The following SLC1A6 variants were observed in gnomAD, a reference collection of about 807,000 sequenced individuals.
SLC1A6 encodes solute carrier family 1 member 6.
In SLC1A6, 15 loss-of-function variants were observed where a neutral mutation model predicts 42.1. The ratio of observed to expected loss-of-function variants is 0.36; its 90% CI spans 0.24 to 0.55. SLC1A6 has a LOEUF of 0.55. Ranked by LOEUF, SLC1A6 falls within the 20% of genes least tolerant of loss-of-function variation. SLC1A6 has a pLI of 0.88. For missense variants in SLC1A6, 542 were observed against 772.5 expected (o/e 0.70, Z 3.54); for synonymous variants, 317 against 319.7 (o/e 0.99, Z 0.09).
intron 8 of SLC1A6, 78 bp downstream of exon 8, chr19:14,954,057 T>TCCCACCCCAA: frequency 1.0e-6 from 1 of 997,542 alleles, no homozygotes. Context: ...GGCCCCCTCC[T>TCCCACCCCAA]CCCTCCCCAA....
chr19:14,996,685 A>G (rs1310475615), intron 1 of SLC1A6, among the ~76,000 whole-genome samples: 1 of 152,024 alleles, frequency 6.6e-6, no homozygotes, highest in African/African-American at 2.4e-5. Context: ...CCAGGAGAGA[A>G]GAGAAACTTC....
chr19:14,969,303 G>A (rs778261567), intron 3 of SLC1A6, among the ~76,000 whole-genome samples: 4 of 152,208 alleles, frequency 2.6e-5, no homozygotes, highest in East Asian at 1.9e-4. Context: ...CGAGAGCACT[G>A]AGTACAATAG....
At chr19:15,005,741 G>A (rs894216786) in intron 1 of SLC1A6, among the ~76,000 whole-genome samples, 13 of 152,190 alleles carry the variant, frequency 8.5e-5, no homozygotes, top group Admixed American at 5.9e-4. Context: ...TACTAGCAGC[G>A]TGTTGGTGTC....
At chr19:15,005,617 G>A (rs537666265) in intron 1 of SLC1A6, among the ~76,000 whole-genome samples, 14 of 152,336 alleles carry the variant, frequency 9.2e-5, no homozygotes, top group Middle Eastern at 3.4e-3. Flanking sequence ...CTAGCAGTGA[G>A]TTTTTGGAAG....
At chr19:14,964,603 T>C (rs2145186349) in intron 4 of SLC1A6, among the ~76,000 whole-genome samples, 1 of 152,290 alleles carries the variant, frequency 6.6e-6, no homozygotes, top group Admixed American at 6.5e-5. Flanking sequence ...AGAATTGATG[T>C]AAGCTACCCG....
At chr19:15,009,112 T>C (rs1026958490) in intron 1 of SLC1A6, among the ~76,000 whole-genome samples, 1 of 120,490 alleles carries the variant, frequency 8.3e-6, no homozygotes, top group African/African-American at 3.8e-5. Flanking sequence ...AAATAGCATA[T>C]CTATCATATA....
chr19:15,008,231 G>C (rs1208635520), intron 1 of SLC1A6, among the ~76,000 whole-genome samples: 1 of 151,884 alleles, frequency 6.6e-6, no homozygotes, highest in Admixed American at 6.6e-5. Context: ...TATAGTCCTC[G>C]CTTTTTGGGA....
Position 15,009,879 on chromosome 19 carries a change from G to A in SLC1A6, c.6+606C>T, listed in dbSNP as rs547544393. Reference sequence around the variant, plus strand: ...ATAGCGGTGAGTGCTATGAAGACACGAAAGAAAATGTAAGACTAAGCCAGG... The same window carrying A: ...ATAGCGGTGAGTGCTATGAAGACACAAAAGAAAATGTAAGACTAAGCCAGG... On this transcript the variant is annotated intron_variant, in intron 1 of 8. Coordinates refer to the SLC1A6 transcript ENST00000430939. Among the ~76,000 whole-genome samples, 8 of 152,206 alleles carry A rather than the reference G, an allele frequency of 5.3e-5. No homozygotes were observed. In the South Asian group the frequency reaches 1.0e-3, roughly 20 times the overall value.
At position 14,998,124 on chromosome 19, in the gene SLC1A6, A is replaced by G. The variant is rs1038501243; in HGVS notation, c.6+12361T>C. 3.3e-5 allele frequency among the ~76,000 whole-genome samples: 5 copies of G among 152,280 alleles called. No homozygotes were observed. In the East Asian group the frequency reaches 9.7e-4, roughly 29 times the overall value. On this transcript the variant is annotated intron_variant, in intron 1 of 8. Coordinates refer to the SLC1A6 transcript ENST00000430939. ...CATCTGAATGGACCCCTCTTGGCCA[A>G]GGGCATTCCAAAATTAACCTGAAAA...
In SLC1A6 at chr19:14,954,334, G is replaced by T; in HGVS notation, c.1170-5C>A. 1 of 1,604,744 alleles carries T rather than the reference G, an allele frequency of 6.2e-7. No homozygotes were observed. The highest frequency in any genetic ancestry group is 8.5e-7 in the Non-Finnish European group (1 of 1,179,760). ...GTGATGGGCAGCGTTGCCGAGCTGGGGGAAAGAGCCCAGGACTGAGGATGG... is the reference window on the plus strand; with the variant it reads ...GTGATGGGCAGCGTTGCCGAGCTGGTGGAAAGAGCCCAGGACTGAGGATGG... On this transcript the variant is annotated splice_region_variant and splice_polypyrimidine_tract_variant and intron_variant, in intron 7 of 9. Coordinates refer to ENST00000594383, the MANE Select transcript of SLC1A6 (RefSeq NM_005071.3).
chr19:15,004,733 A>G (rs930981396), intron 1 of SLC1A6, among the ~76,000 whole-genome samples: 4 of 151,750 alleles, frequency 2.6e-5, no homozygotes, highest in Admixed American at 6.6e-5. Context: ...TCATTTCATT[A>G]TGTTTCCCAT....
Position 14,962,235 on chromosome 19 carries a change from G to A in SLC1A6, c.702C>T (p.Thr234=). The change falls in exon 6 of 10, where the codon ACC becomes ACT. Residue 234 remains threonine, a synonymous_variant. Transcript: ENST00000594383. ...MPPPFSVENG[T]SFLENVTRAL... The stretch of plus-strand genomic sequence containing the variant: ...CCCGAGTGACATTTTCCAGGAAGCT[G>A]GTTCCGTTCTCCACTGAGAATGGAG... 1 of 1,614,154 alleles carries A rather than the reference G, an allele frequency of 6.2e-7. No individual in the cohort carries two copies. Among genetic ancestry groups the A allele is most frequent in the Non-Finnish European group, 8.5e-7 (1 of 1,180,018 alleles).
At chr19:14,963,838 T>G (rs1359071880) in intron 5 of SLC1A6, among the ~76,000 whole-genome samples, 1 of 151,634 alleles carries the variant, frequency 6.6e-6, no homozygotes, top group Non-Finnish European at 1.5e-5. Context: ...CCTCTTTTTT[T>G]TTTTTTTCTT....
intron 3 of SLC1A6, among the ~76,000 whole-genome samples, chr19:14,969,076 A>G (rs1378415566): frequency 1.3e-5 from 2 of 152,014 alleles, no homozygotes; most frequent in South Asian, 4.1e-4. Flanking sequence ...CTGAACTCAG[A>G]CGATCCACTC....
chr19:14,987,141 C>A (rs189749861), intron 1 of SLC1A6, among the ~76,000 whole-genome samples: 50 of 152,192 alleles, frequency 3.3e-4, no homozygotes, highest in Non-Finnish European at 6.9e-4. Context: ...CTTTGCAAAC[C>A]ATTGTCAGAT....
Position 14,998,563 on chromosome 19 carries a change from AT to A in SLC1A6, c.6+11921del, listed in dbSNP as rs1316282985. Reference sequence around the variant, plus strand: ...CTCAAAAAACAAACAAAACAAAAAAATAAACAACAACAACAAAAAAAGCAGA... The same window carrying A: ...CTCAAAAAACAAACAAAACAAAAAAAAAACAACAACAACAAAAAAAGCAGA... On this transcript the variant is annotated intron_variant, in intron 1 of 8. Transcript: ENST00000430939. 1.3e-5 allele frequency among the ~76,000 whole-genome samples: 2 copies of A among 152,176 alleles called. 1 individual carries two copies. Among genetic ancestry groups the A allele is most frequent in the Non-Finnish European group, 2.9e-5 (2 of 68,028 alleles).
At chr19:14,975,649 G>A (rs998555322) in intron 1 of SLC1A6, among the ~76,000 whole-genome samples, 1 of 151,686 alleles carries the variant, frequency 6.6e-6, no homozygotes, top group Non-Finnish European at 1.5e-5. Context: ...CTACTCCAGA[G>A]GCTGAGGCAG....
rs1477646132 is a variant in SLC1A6 at position 14,962,074 on chromosome 19, T to C, written c.863A>G (p.Lys288Arg). The C allele has an allele frequency of 1.2e-6, 2 of 1,614,186 alleles. No individual in the cohort carries two copies. Among genetic ancestry groups the C allele is most frequent in the Admixed American group, 3.3e-5 (2 of 60,024 alleles). ...FGLVIGGMKH[K>R]GRVLRDFFDS... ...GAAGAAGTCCCTGAGGACTCTGCCC[T>C]TGTGTTTCATGCCACCAATGACCAG... The change falls in exon 6 of 10, where the codon AAG (lysine) becomes AGG (arginine). Residue 288 changes from lysine (K) to arginine (R), a missense_variant. Physicochemically the swap from Lys to Arg is conservative, Grantham distance 26. Coordinates refer to ENST00000594383, the MANE Select transcript of SLC1A6 (RefSeq NM_005071.3).
At chr19:15,003,050 C>T in intron 1 of SLC1A6, among the ~76,000 whole-genome samples, 1 of 152,098 alleles carries the variant, frequency 6.6e-6, no homozygotes, top group Non-Finnish European at 1.5e-5. Flanking sequence ...ACAATCTCAG[C>T]TCACTGCAAC....
Sources: gnomAD v4.1 joint callset for allele counts (sites outside exome capture counted in the v4.1 genomes callset) on GRCh38, gnomAD v4.1.1 for gene constraint, MANE v1.5 for transcripts, NCBI Gene and HGNC (gene_info 2026-07-23, HGNC 2026-07-21) for gene names.